PDXDC1: variants seen among roughly 807,000 people sequenced by gnomAD.
PDXDC1 encodes the protein pyridoxal-dependent decarboxylase domain-containing protein 1.
Under a neutral mutation model 100.1 loss-of-function variants are expected in PDXDC1, and 42 were observed. That is an observed-to-expected ratio of 0.42 (90% confidence interval 0.33 to 0.54). The LOEUF is 0.54. Among genes scored for constraint, PDXDC1 ranks in the 20% least tolerant of loss-of-function variants. PDXDC1 has a pLI of 0.10. For synonymous variants in PDXDC1, 260 were observed against 371.7 expected (o/e 0.70, Z 3.46); for missense variants, 636 against 979.2 (o/e 0.65, Z 4.68).
In PDXDC1 at chr16:15,036,391, G is replaced by T; in HGVS notation, c.*116G>T. The T allele has an allele frequency of 1.8e-6, 2 of 1,087,142 alleles. No homozygotes were observed. The allele number at this position is 1,087,142 out of a possible 1,614,324, so 67.3% of individuals were successfully genotyped here. A position where few individuals can be genotyped will look rare whatever the true frequency, so the allele number is the denominator to read the frequency against. On this transcript the variant is annotated 3_prime_UTR_variant, in exon 23 of 23. Transcript: ENST00000396410. The stretch of plus-strand genomic sequence containing the variant: ...AAATTACTGTTGTTTGTGCTTCACT[G>T]GGATTTTGGCACAAATATGTGCCTG...
intron 16 of PDXDC1, among the ~76,000 whole-genome samples, chr16:15,091,575 G>A (rs925484909): frequency 1.3e-5 from 2 of 151,460 alleles, no homozygotes; most frequent in African/African-American, 4.9e-5. Context: ...AAAGGAAAAT[G>A]ATAAACTACA....
At chr16:15,098,200 ATTTTT>A (rs35540128) in intron 16 of PDXDC1, among the ~76,000 whole-genome samples, 1 of 112,728 alleles carries the variant, frequency 8.9e-6, no homozygotes. Flanking sequence ...GATATCTATG[ATTTTT>A]TTTTTTTTTT....
intron 16 of PDXDC1, chr16:15,047,660 G>A: frequency 1.0e-6 from 1 of 952,738 alleles, no homozygotes. Flanking sequence ...TATCCTGTAG[G>A]GGAAAAACGG....
chr16:15,146,754 G>A, the PDXDC1 span, among the ~76,000 whole-genome samples: 1 of 152,102 alleles, frequency 6.6e-6, no homozygotes, highest in East Asian at 1.9e-4. Context: ...GTCTCACAGT[G>A]CATGGAGGAC....
At chr16:15,150,101 T>A in the PDXDC1 span, among the ~76,000 whole-genome samples, 1 of 151,898 alleles carries the variant, frequency 6.6e-6, no homozygotes, top group African/African-American at 2.4e-5. Context: ...TCCCAGCACT[T>A]TGGGAGGCTG....
chr16:15,141,067 C>A (rs1255953554), downstream of PDXDC1, among the ~76,000 whole-genome samples: 1 of 149,644 alleles, frequency 6.7e-6, no homozygotes, highest in Non-Finnish European at 1.5e-5. Flanking sequence ...TCCCTGAGCA[C>A]CCGCCCAGCC....
intron 16 of PDXDC1, among the ~76,000 whole-genome samples, chr16:15,074,013 T>A (rs555401645): frequency 3.3e-5 from 5 of 152,308 alleles, no homozygotes; most frequent in African/African-American, 1.2e-4. Flanking sequence ...TAAAAAATAC[T>A]CTCCTACATA....
intron 16 of PDXDC1, chr16:15,104,489 G>C (rs755466381): frequency 1.4e-6 from 2 of 1,432,512 alleles, no homozygotes; most frequent in African/African-American, 3.7e-5. Context: ...GGTGTCTTGA[G>C]ATTATCATCC....
intron 4 of PDXDC1, among the ~76,000 whole-genome samples, 189 bp from the exon 5 acceptor site, chr16:15,003,998 T>G (rs1416136663): frequency 6.6e-6 from 1 of 152,270 alleles, no homozygotes; most frequent in Non-Finnish European, 1.5e-5. Context: ...AAAAAAAATA[T>G]ATTTTTTTCT....
At chr16:15,055,803 C>T (rs889621321) in intron 16 of PDXDC1, 6 of 714,202 alleles carry the variant, frequency 8.4e-6, no homozygotes, top group Non-Finnish European at 1.2e-5. Context: ...CGCCAAGTTT[C>T]AAGTCTGTGT....
At chr16:15,128,128 G>C (rs1351591297) in intron 16 of PDXDC1, 3 of 1,609,880 alleles carry the variant, frequency 1.9e-6, no homozygotes, top group Non-Finnish European at 2.5e-6. Context: ...ACCAGGCAGG[G>C]CTGAGCCCTG....
intron 16 of PDXDC1, among the ~76,000 whole-genome samples, chr16:15,122,846 G>A (rs924834112): frequency 2.4e-5 from 3 of 123,204 alleles, no homozygotes; most frequent in African/African-American, 9.3e-5. Context: ...GGGAGGGGAA[G>A]GGGAGGGGAA....
intron 16 of PDXDC1, among the ~76,000 whole-genome samples, chr16:15,059,604 A>G (rs977724721): frequency 1.2e-4 from 19 of 152,186 alleles, no homozygotes; most frequent in African/African-American, 4.3e-4. Flanking sequence ...GCCACTTCTC[A>G]TCAAGGAAGA....
chr16:15,044,315 A>G, intron 16 of PDXDC1: 1 of 1,428,574 alleles, frequency 7.0e-7, no homozygotes, highest in Non-Finnish European at 9.7e-7. Context: ...TGGGGGAAAG[A>G]AAAAAAAAAT....
At chr16:15,125,697 G>A (rs763117205) in intron 16 of PDXDC1, 13 of 1,352,318 alleles carry the variant, frequency 9.6e-6, no homozygotes, top group East Asian at 6.9e-5. Flanking sequence ...TCACCTCAGC[G>A]TGGAGGCCTG....
intron 1 of PDXDC1, 81 bp from the exon 2 acceptor site, chr16:14,997,672 A>C: frequency 7.2e-7 from 1 of 1,379,542 alleles, no homozygotes; most frequent in Non-Finnish European, 9.8e-7. Flanking sequence ...GAAATTATGC[A>C]CTTAATTTTT....
chr16:15,089,040 C>T (rs1441781574), intron 16 of PDXDC1, among the ~76,000 whole-genome samples: 2 of 152,098 alleles, frequency 1.3e-5, no homozygotes, highest in Non-Finnish European at 2.9e-5. Context: ...GAGTGGCTCA[C>T]GTCTATAATC....
intron 1 of PDXDC1, among the ~76,000 whole-genome samples, chr16:14,995,226 C>T (rs1190695831): frequency 1.3e-5 from 2 of 152,286 alleles, no homozygotes; most frequent in East Asian, 1.9e-4. Context: ...TGCCAGTTTT[C>T]AAAGGGAATG....
At chr16:14,995,895 T>C (rs1971855035) in intron 1 of PDXDC1, among the ~76,000 whole-genome samples, 1 of 152,296 alleles carries the variant, frequency 6.6e-6, no homozygotes, top group African/African-American at 2.4e-5. Context: ...GAGGAATGTA[T>C]CCATTTCTTC....
Sources: allele counts gnomAD v4.1 joint callset (sites outside exome capture counted in the v4.1 genomes callset), GRCh38; gene constraint gnomAD v4.1.1; transcripts MANE v1.5; gene names NCBI Gene and HGNC (gene_info 2026-07-23, HGNC 2026-07-21).